The following DISP1 variants were observed in gnomAD, a reference collection of about 807,000 sequenced individuals.
DISP1 encodes the protein protein dispatched homolog 1.
A neutral mutation model predicts 37.3 loss-of-function variants in DISP1; 30 were observed. The observed-to-expected ratio is 0.80, with a 90% CI of 0.60 to 1.09. DISP1 has a LOEUF of 1.09. DISP1 is among the 50% of genes least tolerant of loss of function. The pLI, the probability that DISP1 is intolerant of heterozygous loss-of-function variation, is 0.00. For synonymous variants in DISP1, 634 were observed against 690.2 expected (o/e 0.92, Z 1.28); for missense variants, 1,598 against 1,879.5 (o/e 0.85, Z 2.77).
At chr1:222,935,997 A>T (rs896645220) in intron 2 of DISP1, among the ~76,000 whole-genome samples, 2 of 152,212 alleles carry the variant, frequency 1.3e-5, no homozygotes, top group Non-Finnish European at 2.9e-5. Flanking sequence ...TATAATGGAG[A>T]TGAAAAATTC....
At position 222,943,200 on chromosome 1, in the gene DISP1, C is replaced by G. The variant is rs749163609; in HGVS notation, c.377C>G (p.Ser126Cys). 5.0e-6 allele frequency: 8 copies of G among 1,609,902 alleles called. No homozygotes were observed. In the South Asian group the frequency reaches 8.8e-5, roughly 18 times the overall value. The change falls in exon 3 of 9, where the codon TCT (serine) becomes TGT (cysteine). Residue 126 changes from serine (S) to cysteine (C), a missense_variant. By Grantham distance (112) the Ser-to-Cys change is moderately radical. Coordinates refer to ENST00000675850, the MANE Select transcript of DISP1 (RefSeq NM_001377229.1). The stretch of plus-strand genomic sequence containing the variant: ...CAGCCACACTCCGAGTATTCTGCAT[C>G]TCTTTGTCCAAATCATTCACCTGTG... Reference protein sequence around the residue: ...CMQPHSEYSASLCPNHSPVYQ... With the variant: ...CMQPHSEYSACLCPNHSPVYQ...
chr1:222,956,429 A>G (rs1572618382), intron 3 of DISP1, among the ~76,000 whole-genome samples: 2 of 152,184 alleles, frequency 1.3e-5, no homozygotes, highest in South Asian at 4.1e-4. Flanking sequence ...ACTTATACAT[A>G]ATGAGGAACT....
Position 222,943,211 on chromosome 1 carries a change from A to G in DISP1, c.388A>G (p.Asn130Asp). 3 of 1,609,860 alleles carry G rather than the reference A, an allele frequency of 1.9e-6. No individual in the cohort carries two copies. Among genetic ancestry groups the G allele is most frequent in the Middle Eastern group, 1.7e-4 (1 of 6,048 alleles). The change falls in exon 3 of 9, where the codon AAT becomes GAT. Residue 130 changes from asparagine (N) to aspartate (D), a missense_variant. Transcript: ENST00000675850. ...CGAGTATTCTGCATCTCTTTGTCCA[A>G]ATCATTCACCTGTGTATCAGACTAC... The part of the protein sequence containing the change: ...HSEYSASLCP[N>D]HSPVYQTTCC...
intron 1 of DISP1, among the ~76,000 whole-genome samples, chr1:222,882,969 A>T (rs1354376401): frequency 6.6e-6 from 1 of 152,178 alleles, no homozygotes; most frequent in Non-Finnish European, 1.5e-5. Context: ...TGATTAGATC[A>T]ACCTTTAGAA....
chr1:222,959,700 C>CAA (rs139605919), intron 3 of DISP1, among the ~76,000 whole-genome samples: 3,068 of 111,512 alleles, frequency 0.028, 117 homozygotes, highest in African/African-American at 0.097. Flanking sequence ...AACTCTGTCT[C>CAA]AAAAAAAAAA....
chr1:222,852,330 T>G (rs949021658), intron 1 of DISP1, among the ~76,000 whole-genome samples: 2 of 152,036 alleles, frequency 1.3e-5, no homozygotes, highest in Non-Finnish European at 2.9e-5. Flanking sequence ...CAAAGTTGTT[T>G]TTTGTTTGTT....
chr1:222,983,076 TCA>T lies in DISP1; in HGVS notation c.510-3_510-2del. 6.3e-7 allele frequency: 1 copy of T among 1,593,568 alleles called. No individual in the cohort carries two copies. Among genetic ancestry groups the T allele is most frequent in the Non-Finnish European group, 8.5e-7 (1 of 1,171,084 alleles). On this transcript the variant is annotated splice_acceptor_variant and splice_polypyrimidine_tract_variant and intron_variant, in intron 3 of 8. Transcript: ENST00000675850. LOFTEE classifies it high-confidence loss of function. ...CATTTTTCCTTTGCTTTTTTTTTTT[TCA>T]GACCATCCAGACCTTTCAAGTTGCC...
At chr1:222,975,554 T>G (rs1677252031) in intron 3 of DISP1, among the ~76,000 whole-genome samples, 1 of 152,188 alleles carries the variant, frequency 6.6e-6, no homozygotes, top group Non-Finnish European at 1.5e-5. Flanking sequence ...CCTTTCACAC[T>G]CCTTTTTTTC....
intron 3 of DISP1, among the ~76,000 whole-genome samples, chr1:222,965,189 C>T (rs573447556): frequency 1.3e-5 from 2 of 152,266 alleles, no homozygotes; most frequent in Admixed American, 6.5e-5. Flanking sequence ...TGAATCCTGC[C>T]TCTTTAACTA....
At chr1:222,959,487 G>T (rs1675864341) in intron 3 of DISP1, among the ~76,000 whole-genome samples, 1 of 152,000 alleles carries the variant, frequency 6.6e-6, no homozygotes, top group African/African-American at 2.4e-5. Context: ...GATCACCTGA[G>T]GTCAGGAGTT....
At chr1:222,922,732 G>A (rs1468387638) in intron 1 of DISP1, among the ~76,000 whole-genome samples, 1 of 152,150 alleles carries the variant, frequency 6.6e-6, no homozygotes, top group Non-Finnish European at 1.5e-5. Context: ...ATAGAAATTG[G>A]AGTGTGACAA....
intron 1 of DISP1, among the ~76,000 whole-genome samples, chr1:222,904,999 C>T (rs188667603): frequency 1.4e-4 from 22 of 152,166 alleles, no homozygotes; most frequent in Admixed American, 8.5e-4. Flanking sequence ...AAATACAAAT[C>T]GGATCATTTA....
chr1:222,991,616 C>A lies in DISP1; in HGVS notation c.760C>A (p.Pro254Thr), dbSNP rs1426111882. 1 of 1,613,478 alleles carries A rather than the reference C, an allele frequency of 6.2e-7. No homozygotes were observed. The highest frequency in any genetic ancestry group is 8.5e-7 in the Non-Finnish European group (1 of 1,179,560). The change falls in exon 6 of 9, where the codon CCC becomes ACC. Residue 254 changes from proline (P) to threonine (T), a missense_variant. Physicochemically the swap from Pro to Thr is conservative, Grantham distance 38. Coordinates refer to ENST00000675850, the MANE Select transcript of DISP1 (RefSeq NM_001377229.1). Reference protein sequence around the residue: ...TGYKATLANYPFKYADEQAKS... With the variant: ...TGYKATLANYTFKYADEQAKS... ...ATACAAAGCAACATTAGCAAATTAT[C>A]CCTTTAAATATGCAGATGAACAAGC...
rs200769559 is a variant in DISP1 at position 222,990,729 on chromosome 1, A to T, written c.644A>T (p.Asp215Val). ...LVGVLVPELP[D>V]FSDPLLGFEP... ...GGAGTATTAGTGCCAGAGCTCCCTGACTTCTCTGATCCATTGCTGGTAACT... is the reference window on the plus strand; with the variant it reads ...GGAGTATTAGTGCCAGAGCTCCCTGTCTTCTCTGATCCATTGCTGGTAACT... The change falls in exon 5 of 9, where the codon GAC (aspartate) becomes GTC (valine). Residue 215 changes from aspartate to valine, a missense_variant. Physicochemically the swap from Asp to Val is radical, Grantham distance 152. Transcript: ENST00000675850. 1 of 1,614,042 alleles carries T rather than the reference A, an allele frequency of 6.2e-7. No homozygotes were observed. The highest frequency in any genetic ancestry group is 1.7e-5 in the Admixed American group (1 of 60,016).
At chr1:222,953,447 C>T (rs1300691372) in intron 3 of DISP1, among the ~76,000 whole-genome samples, 6 of 152,146 alleles carry the variant, frequency 3.9e-5, no homozygotes, top group African/African-American at 1.4e-4. Flanking sequence ...TGACACACCT[C>T]ACACCATCAA....
Position 223,003,642 on chromosome 1 carries a change from T to C in DISP1, c.2245T>C (p.Leu749=), listed in dbSNP as rs1679652955. Residue 749 remains leucine (L), a synonymous_variant, in exon 9 of 9, where the codon TTA becomes CTA. Coordinates refer to ENST00000675850, the MANE Select transcript of DISP1 (RefSeq NM_001377229.1). The surrounding 1 kb of genome is among the most constrained non-coding windows in gnomAD (Gnocchi z 4.3). ...NPKMKLPSLE[L]SEFQVFRSSH... is the part of the protein sequence containing the mutation. ...AAAGATGAAACTGCCCTCACTGGAG[T>C]TATCCGAGTTCCAGGTGTTCCGGTC... is the stretch of plus-strand genomic sequence containing the variant. 2 of 1,613,962 alleles carry C rather than the reference T, an allele frequency of 1.2e-6. No homozygotes were observed. Among genetic ancestry groups the C allele is most frequent in the Non-Finnish European group, 1.7e-6 (2 of 1,180,032 alleles).
At chr1:222,847,588 C>A (rs1022824700) in intron 1 of DISP1, among the ~76,000 whole-genome samples, 1 of 152,108 alleles carries the variant, frequency 6.6e-6, no homozygotes, top group African/African-American at 2.4e-5. Context: ...AATTCCAATC[C>A]AATCCAATAG....
At position 223,003,112 on chromosome 1, in the gene DISP1, A is replaced by G. The variant is rs1679599406; in HGVS notation, c.1715A>G (p.Asp572Gly). The G allele has an allele frequency of 6.2e-7, 1 of 1,614,172 alleles. No homozygotes were observed. The highest frequency in any genetic ancestry group is 8.5e-7 in the Non-Finnish European group (1 of 1,180,042). Residue 572 changes from aspartate to glycine, a missense_variant, in exon 9 of 9, where the codon GAT becomes GGT. Physicochemically the swap from Asp to Gly is moderately conservative, Grantham distance 94. Transcript: ENST00000675850. This position sits in a 1 kb window ranked among gnomAD's most constrained non-coding sequence, Gnocchi z 4.3. ...ALIILVGIGA[D>G]DAFVLCDVWN... is the part of the protein sequence containing the mutation. ...ATTATTTTGGTTGGAATTGGAGCAG[A>G]TGATGCTTTTGTCCTGTGTGATGTT...
At chr1:222,907,719 A>T (rs180815413) in intron 1 of DISP1, among the ~76,000 whole-genome samples, 3 of 152,322 alleles carry the variant, frequency 2.0e-5, no homozygotes, top group Admixed American at 2.0e-4. Context: ...TGGGAGGCCA[A>T]GGTCGGCGGA....
Sources: gnomAD v4.1 joint callset for allele counts (sites outside exome capture counted in the v4.1 genomes callset) on GRCh38, gnomAD v4.1.1 for gene constraint, Gnocchi (gnomAD v3.1) non-coding constraint, MANE v1.5 for transcripts, NCBI Gene and HGNC (gene_info 2026-07-23, HGNC 2026-07-21) for gene names.